RGS7: variants seen among roughly 807,000 people sequenced by gnomAD.
RGS7 encodes regulator of G-protein signaling 7.
Under a neutral mutation model 81.1 loss-of-function variants are expected in RGS7, and 27 were observed. That is an observed-to-expected ratio of 0.33 (90% CI 0.25 to 0.46). The LOEUF (loss-of-function observed/expected upper bound fraction) is 0.46. Among genes scored for constraint, RGS7 ranks in the 20% least tolerant of loss-of-function variants. The pLI is 1.00. For synonymous variants in RGS7, 208 were observed against 207.7 expected (o/e 1.00, Z -0.01); for missense variants, 396 against 607.4 (o/e 0.65, Z 3.66).
intron 4 of RGS7, among the ~76,000 whole-genome samples, chr1:240,979,433 C>T (rs1684608664): frequency 6.6e-6 from 1 of 152,016 alleles, no homozygotes; most frequent in Admixed American, 6.5e-5. Flanking sequence ...CCTGAAAGAC[C>T]ACATATCAAA....
chr1:240,828,097 C>T (rs1247178761), intron 9 of RGS7, among the ~76,000 whole-genome samples: 1 of 152,078 alleles, frequency 6.6e-6, no homozygotes, highest in Non-Finnish European at 1.5e-5. Context: ...AAATAAGATG[C>T]CATGCTTCTT....
chr1:241,316,769 C>G (rs2080905044), intron 2 of RGS7, among the ~76,000 whole-genome samples: 1 of 152,044 alleles, frequency 6.6e-6, no homozygotes, highest in African/African-American at 2.4e-5. Flanking sequence ...TAATGCTGGC[C>G]TCATAAACTG....
chr1:240,924,232 C>G (rs1165719048), intron 6 of RGS7, among the ~76,000 whole-genome samples: 2 of 152,126 alleles, frequency 1.3e-5, no homozygotes, highest in African/African-American at 2.4e-5. Flanking sequence ...TTTTTGCTGG[C>G]CTCTTATTAT....
intron 6 of RGS7, among the ~76,000 whole-genome samples, chr1:240,879,318 A>AT (rs973596007): frequency 5.3e-5 from 8 of 152,174 alleles, no homozygotes; most frequent in African/African-American, 1.9e-4. Flanking sequence ...GCAAGTTCAA[A>AT]TTTTATTTTC....
chr1:241,040,484 TTTATTTATTTATTTAC>T (rs911290152), intron 3 of RGS7, among the ~76,000 whole-genome samples: 15 of 151,520 alleles, frequency 9.9e-5, no homozygotes, highest in Admixed American at 2.6e-4. Context: ...TTTCTTTTTA[TTTATTTATTTATTTAC>T]TTATTTATTT....
intron 2 of RGS7, among the ~76,000 whole-genome samples, chr1:241,196,709 C>A (rs1314853310): frequency 2.0e-5 from 3 of 151,906 alleles, no homozygotes; most frequent in Non-Finnish European, 4.4e-5. Context: ...GACTATAAAA[C>A]AATAATACTA....
chr1:241,098,583 C>G (rs1192905363), intron 3 of RGS7, 83 bp downstream of exon 3: 1 of 901,256 alleles, frequency 1.1e-6, no homozygotes, highest in Non-Finnish European at 1.8e-6. Context: ...GACAGAGTTT[C>G]AATAGTGAAC....
At chr1:241,071,497 GTTTT>G (rs5782174) in intron 3 of RGS7, among the ~76,000 whole-genome samples, 53 of 142,886 alleles carry the variant, frequency 3.7e-4, no homozygotes, top group African/African-American at 1.1e-3. Flanking sequence ...ATGTTTAAGT[GTTTT>G]TTTTTTTTTT....
At chr1:241,268,047 C>T (rs1190578895) in intron 2 of RGS7, among the ~76,000 whole-genome samples, 1 of 152,138 alleles carries the variant, frequency 6.6e-6, no homozygotes, top group Admixed American at 6.5e-5. Context: ...CTGACCGGAC[C>T]GTTGAGCACA....
chr1:241,254,609 C>T (rs925120324), intron 2 of RGS7, among the ~76,000 whole-genome samples: 2 of 152,152 alleles, frequency 1.3e-5, no homozygotes, highest in African/African-American at 2.4e-5. Context: ...AATAACATCA[C>T]CTCGGGGATA....
intron 6 of RGS7, among the ~76,000 whole-genome samples, chr1:240,889,854 T>G (rs1020680650): frequency 6.6e-6 from 1 of 152,142 alleles, no homozygotes; most frequent in Non-Finnish European, 1.5e-5. Context: ...GCCCTGTTCT[T>G]GTAGTGTCCC....
chr1:241,261,772 A>C (rs1374472396), intron 2 of RGS7, among the ~76,000 whole-genome samples: 1 of 152,130 alleles, frequency 6.6e-6, no homozygotes, highest in Non-Finnish European at 1.5e-5. Context: ...TTTTAACCAA[A>C]AAACCCATAT....
At chr1:240,801,024 T>G (rs1047504489) in intron 17 of RGS7, among the ~76,000 whole-genome samples, 4 of 152,088 alleles carry the variant, frequency 2.6e-5, no homozygotes, top group African/African-American at 7.2e-5. Flanking sequence ...AACTGCTCAG[T>G]AGATCATTTT....
At chr1:241,200,824 T>C (rs1272128882) in intron 2 of RGS7, among the ~76,000 whole-genome samples, 1 of 152,184 alleles carries the variant, frequency 6.6e-6, no homozygotes, top group Non-Finnish European at 1.5e-5. Context: ...CTCCTCAGTT[T>C]CTCATTAAAT....
At chr1:240,897,384 T>G (rs1242161736) in intron 6 of RGS7, among the ~76,000 whole-genome samples, 1 of 152,136 alleles carries the variant, frequency 6.6e-6, no homozygotes, top group African/African-American at 2.4e-5. Flanking sequence ...ATGCTTCCAG[T>G]TTTTGCCCAT....
At chr1:241,181,486 A>G (rs552414125) in intron 2 of RGS7, among the ~76,000 whole-genome samples, 38 of 152,304 alleles carry the variant, frequency 2.5e-4, no homozygotes, top group African/African-American at 8.9e-4. Flanking sequence ...TAAATAGTCA[A>G]TGTTCAATAA....
At chr1:241,306,419 G>A (rs111206195) in intron 2 of RGS7, among the ~76,000 whole-genome samples, 35 of 121,494 alleles carry the variant, frequency 2.9e-4, no homozygotes, top group African/African-American at 9.6e-4. Context: ...ATGCACACAC[G>A]TCCATACACC....
At chr1:240,966,669 T>A (rs1682353579) in intron 4 of RGS7, among the ~76,000 whole-genome samples, 1 of 152,198 alleles carries the variant, frequency 6.6e-6, no homozygotes, top group Non-Finnish European at 1.5e-5. Flanking sequence ...CTCTCCTTGC[T>A]TTTACTTAGA....
At chr1:240,969,542 G>A (rs1682869307) in intron 4 of RGS7, among the ~76,000 whole-genome samples, 1 of 152,150 alleles carries the variant, frequency 6.6e-6, no homozygotes, top group Non-Finnish European at 1.5e-5. Context: ...CAAGATAAAA[G>A]ACAGAAATTC....
Sources: gnomAD v4.1 joint callset for allele counts (sites outside exome capture counted in the v4.1 genomes callset) on GRCh38, gnomAD v4.1.1 for gene constraint, MANE v1.5 for transcripts, NCBI Gene and HGNC (gene_info 2026-07-23, HGNC 2026-07-21) for gene names.